Variants in FAT2 observed in about 807,000 individuals in gnomAD.
The protein encoded by FAT2 is protocadherin Fat 2.
Under a neutral mutation model 295.3 loss-of-function variants are expected in FAT2, and 150 were observed. The observed-to-expected ratio is 0.51, with a 90% CI of 0.44 to 0.58. The LOEUF is 0.58. Ranked by LOEUF, FAT2 falls within the 20% of genes least tolerant of loss-of-function variation. The pLI is 0.00. For missense variants in FAT2, 4,868 were observed against 5,442.7 expected (o/e 0.89, Z 3.32); for synonymous variants, 2,026 against 2,150.3 (o/e 0.94, Z 1.60).
At chr5:151,580,774 A>C (rs1385733972) in intron 1 of FAT2, among the ~76,000 whole-genome samples, 2 of 152,198 alleles carry the variant, frequency 1.3e-5, no homozygotes, top group African/African-American at 2.4e-5. Flanking sequence ...CAGTGAAAAC[A>C]CCAGGTAGAA....
At chr5:151,586,286 A>C (rs1268662791) in intron 1 of FAT2, among the ~76,000 whole-genome samples, 1 of 152,248 alleles carries the variant, frequency 6.6e-6, no homozygotes, top group African/African-American at 2.4e-5. Context: ...CACTGGAGCC[A>C]AATGGGAACC....
Position 151,531,807 on chromosome 5 carries a change from C to G in FAT2, c.9591G>C (p.Pro3197=), listed in dbSNP as rs764218563. Reference sequence around the variant, plus strand: ...CTGTGACGGTGCCCAGCGTGGACAGCGGTATTGGGGTGCCCAGGTCAGAGG... The same window carrying G: ...CTGTGACGGTGCCCAGCGTGGACAGGGGTATTGGGGTGCCCAGGTCAGAGG... ...VRASDLGTPI[P]LSTLGTVTVS... is the part of the protein sequence containing the mutation. The change falls in exon 14 of 24, where the codon CCG becomes CCC. Residue 3197 remains proline, a synonymous_variant. Coordinates refer to ENST00000261800, the MANE Select transcript of FAT2 (RefSeq NM_001447.3). The surrounding 1 kb of genome is among the most constrained non-coding windows in gnomAD (Gnocchi z 5.7). 3 of 1,613,360 alleles carry G rather than the reference C, an allele frequency of 1.9e-6. No individual in the cohort carries two copies. The highest frequency in any genetic ancestry group is 2.5e-6 in the Non-Finnish European group (3 of 1,179,984).
In FAT2 at chr5:151,566,325, G is replaced by A; in HGVS notation, c.2607C>T (p.His869=). 6.2e-7 allele frequency: 1 copy of A among 1,614,150 alleles called. No homozygotes were observed. Among genetic ancestry groups the A allele is most frequent in the Non-Finnish European group, 8.5e-7 (1 of 1,180,016 alleles). Residue 869 remains histidine, a synonymous_variant, in exon 2 of 24, where the codon CAC becomes CAT. Transcript: ENST00000261800. ...LLSPTEKFSL[H]PLTGELVVTG... ...TAACAACCAGTTCCCCAGTGAGAGG[G>A]TGGAGGGAGAACTTCTCTGTGGGAC... is the stretch of plus-strand genomic sequence containing the variant.
chr5:151,592,192 C>T (rs1759439209), upstream of FAT2, among the ~76,000 whole-genome samples: 1 of 152,172 alleles, frequency 6.6e-6, no homozygotes. Flanking sequence ...GTGTTGAGAA[C>T]CAGTGTTTTA....
Position 151,566,895 on chromosome 5 carries a change from G to C in FAT2, c.2037C>G (p.Phe679Leu), listed in dbSNP as rs1244964401. The change falls in exon 2 of 24, where the codon TTC (phenylalanine) becomes TTG (leucine). Residue 679 changes from phenylalanine to leucine, a missense_variant. Phe to Leu is a conservative substitution (Grantham distance 22). Around this residue, in one of 5 missense-constraint regions of FAT2, gnomAD observed 3,297 missense variants for 3,669.4 expected, o/e 0.90. Transcript: ENST00000261800. ...TCDKTGVLTQ[F>L]TKTILHFIGL... ...CAATAAAGTGGAGGATAGTCTTTGT[G>C]AATTGTGTCAATACCCCTGTTTTAT... 1 of 1,614,170 alleles carries C rather than the reference G, an allele frequency of 6.2e-7. No individual in the cohort carries two copies. The highest frequency in any genetic ancestry group is 1.3e-5 in the African/African-American group (1 of 75,038).
chr5:151,537,194 A>G (rs943676949), intron 12 of FAT2, among the ~76,000 whole-genome samples: 5 of 151,472 alleles, frequency 3.3e-5, no homozygotes, highest in Admixed American at 6.6e-5. Context: ...GAAGAGAGAG[A>G]GAGAGAAAGA....
chr5:151,523,029 C>T (rs1753639781), intron 18 of FAT2, among the ~76,000 whole-genome samples: 1 of 152,136 alleles, frequency 6.6e-6, no homozygotes, highest in South Asian at 2.1e-4. Context: ...GACAGGCTTG[C>T]CTTCTTCTCC....
chr5:151,581,457 C>G (rs1347765117), intron 1 of FAT2, among the ~76,000 whole-genome samples: 1 of 152,198 alleles, frequency 6.6e-6, no homozygotes, highest in African/African-American at 2.4e-5. Flanking sequence ...CCTCCCTGAG[C>G]TAACCCTCTG....
At chr5:151,586,307 C>T (rs535694865) in intron 1 of FAT2, among the ~76,000 whole-genome samples, 1 of 152,350 alleles carries the variant, frequency 6.6e-6, no homozygotes, top group South Asian at 2.1e-4. Flanking sequence ...AGAGAATTCT[C>T]CTCTGTGAGC....
At chr5:151,557,178 A>G (rs1757774674) in intron 3 of FAT2, among the ~76,000 whole-genome samples, 1 of 152,094 alleles carries the variant, frequency 6.6e-6, no homozygotes, top group Non-Finnish European at 1.5e-5. Context: ...TCGTCACTAA[A>G]ATCTATGGAA....
rs754295945 is a variant in FAT2 at position 151,505,762 on chromosome 5, C to G, written c.12853G>C (p.Gly4285Arg). Residue 4285 changes from glycine to arginine, a missense_variant, in exon 24 of 24, where the codon GGG (glycine) becomes CGG (arginine). By Grantham distance (125) the Gly-to-Arg change is moderately radical (BLOSUM62 -2). Transcript: ENST00000261800. ...CCGTCTGCCAGGCAGGGCCCTCCCC[C>G]TCCCTGCCGGAACTGCGAGTGGTAG... ...SYYHSQFRQG[G>R]GGPCLADGGY... The G allele has an allele frequency of 1.1e-5, 18 of 1,613,824 alleles. No individual in the cohort carries two copies. The highest frequency in any genetic ancestry group is 8.3e-5 in the Admixed American group (5 of 60,022).
chr5:151,576,525 T>C (rs1758752850), intron 1 of FAT2, among the ~76,000 whole-genome samples: 1 of 152,224 alleles, frequency 6.6e-6, no homozygotes, highest in South Asian at 2.1e-4. Context: ...AGAATTTCCT[T>C]TTAAATTTGA....
Position 151,517,723 on chromosome 5 carries a change from C to G in FAT2, c.11360G>C (p.Arg3787Thr), listed in dbSNP as rs771628662. 113 of 1,614,094 alleles carry G rather than the reference C, an allele frequency of 7.0e-5. No homozygotes were observed. The highest frequency in any genetic ancestry group is 9.2e-5 in the Non-Finnish European group (108 of 1,180,048). Residue 3787 changes from arginine to threonine, a missense_variant, in exon 20 of 24, where the codon AGG becomes ACG. Arg to Thr is a moderately conservative substitution (Grantham distance 71). Coordinates refer to ENST00000261800, the MANE Select transcript of FAT2 (RefSeq NM_001447.3). Reference protein sequence around the residue: ...RFSGQSYVRYRAPAARNWHIH... With the variant: ...RFSGQSYVRYTAPAARNWHIH... ...GTGCCAGTTCCGAGCCGCTGGGGCC[C>G]TGTACCGCACATAGCTCTGACCACT...
At position 151,521,911 on chromosome 5, in the gene FAT2, TG is replaced by T; in HGVS notation, c.10681del (p.Gln3561ArgfsTer4). On this transcript the variant is annotated frameshift_variant, in exon 19 of 24. Transcript: ENST00000261800. LOFTEE classifies it high-confidence loss of function. ...GKIHATDRDP[Q>X]DTLTYSLAEE... ...TGCCAGGCTATAGGTCAGCGTGTCC[TG>T]GGGGTCTCGGTCTGTGGCATGGATC... 6.2e-7 allele frequency: 1 copy of T among 1,613,830 alleles called. No homozygotes were observed. Among genetic ancestry groups the T allele is most frequent in the Non-Finnish European group, 8.5e-7 (1 of 1,179,766 alleles).
intron 2 of FAT2, among the ~76,000 whole-genome samples, chr5:151,565,203 G>A (rs921754944): frequency 6.6e-6 from 1 of 152,056 alleles, no homozygotes; most frequent in African/African-American, 2.4e-5. Flanking sequence ...CAAATAAAAT[G>A]TCTTGATATT....
At chr5:151,552,462 A>G (rs879368995) in intron 6 of FAT2, among the ~76,000 whole-genome samples, 1 of 152,098 alleles carries the variant, frequency 6.6e-6, no homozygotes, top group Non-Finnish European at 1.5e-5. Flanking sequence ...CTGTACCAGG[A>G]CTCCATGTTC....
intron 1 of FAT2, among the ~76,000 whole-genome samples, chr5:151,579,053 C>G (rs1370296888): frequency 8.6e-5 from 13 of 152,000 alleles, no homozygotes; most frequent in Admixed American, 8.5e-4. Flanking sequence ...AATTCTTAAG[C>G]CAGAGGGAAC....
intron 11 of FAT2, among the ~76,000 whole-genome samples, chr5:151,538,614 C>T (rs1049257060): frequency 6.6e-6 from 1 of 152,186 alleles, no homozygotes; most frequent in Non-Finnish European, 1.5e-5. Flanking sequence ...TCATGGTTTC[C>T]ACCACTGTTG....
rs546734075 is a variant in FAT2, at chr5:151,566,423, T to C, written c.2509A>G (p.Thr837Ala). ...TTGGTTGTCAGCTCTGCAATTGTGGTTCCAACTTCTGTGTCCTCCGAGATG... is the reference window on the plus strand; with the variant it reads ...TTGGTTGTCAGCTCTGCAATTGTGGCTCCAACTTCTGTGTCCTCCGAGATG... ...LTISEDTEVG[T>A]TIAELTTKDA... is the part of the protein sequence containing the mutation. The change falls in exon 2 of 24, where the codon ACC becomes GCC. Residue 837 changes from threonine (T) to alanine (A), a missense_variant. This residue lies in a region of FAT2 where 3,297 missense variants were observed against 3,669.4 expected (regional missense o/e 0.90). Coordinates refer to ENST00000261800, the MANE Select transcript of FAT2 (RefSeq NM_001447.3). 4.3e-6 allele frequency: 7 copies of C among 1,613,534 alleles called. No homozygotes were observed. The South Asian group carries it at 6.6e-5, about 15-fold the overall frequency.
Sources: allele counts gnomAD v4.1 joint callset (sites outside exome capture counted in the v4.1 genomes callset), GRCh38; gene constraint gnomAD v4.1.1; regional missense constraint gnomAD v4.1.1; non-coding constraint Gnocchi (gnomAD v3.1); transcripts MANE v1.5; gene names NCBI Gene and HGNC (gene_info 2026-07-23, HGNC 2026-07-21).